The following PTPRT variants were observed in gnomAD, a reference collection of about 807,000 sequenced individuals.
The protein encoded by PTPRT is receptor-type tyrosine-protein phosphatase T.
A neutral mutation model predicts 176.8 loss-of-function variants in PTPRT; 56 were observed. The ratio of observed to expected loss-of-function variants is 0.32; its 90% confidence interval spans 0.26 to 0.40. PTPRT has a LOEUF of 0.40. Among genes scored for constraint, PTPRT ranks in the 10% least tolerant of loss-of-function variants. PTPRT has a pLI of 1.00. For missense variants in PTPRT, 1,540 were observed against 1,908.2 expected (o/e 0.81, Z 3.60); for synonymous variants, 783 against 739.0 (o/e 1.06, Z -0.96).
At chr20:43,078,853 T>C (rs2011356293) in intron 1 of PTPRT, among the ~76,000 whole-genome samples, 1 of 152,166 alleles carries the variant, frequency 6.6e-6, no homozygotes, top group Non-Finnish European at 1.5e-5. Flanking sequence ...AATCAGGAAA[T>C]AAACTCTGCT....
Position 42,452,214 on chromosome 20 carries a change from A to G in PTPRT, c.1451-3885T>C, listed in dbSNP as rs1027860473. Among the ~76,000 whole-genome samples the G allele has an allele frequency of 2.1e-3, 313 of 151,804 alleles. 1 individual carries two copies. Among genetic ancestry groups the G allele is most frequent in the Non-Finnish European group, 3.9e-3 (263 of 67,930 alleles). On this transcript the variant is annotated intron_variant, in intron 8 of 30. Coordinates refer to ENST00000373187, the MANE Select transcript of PTPRT (RefSeq NM_007050.6). ...AACCCAGGAGGTGGAGGTTGCAGTG[A>G]GCCGAGACCATGCCACTGCACCCCA...
At chr20:42,306,790 A>G (rs1268432935) in intron 12 of PTPRT, among the ~76,000 whole-genome samples, 1 of 152,094 alleles carries the variant, frequency 6.6e-6, no homozygotes, top group African/African-American at 2.4e-5. Flanking sequence ...TTTCTTTACC[A>G]TTCCTCCATG....
intron 9 of PTPRT, among the ~76,000 whole-genome samples, chr20:42,388,996 A>C (rs1340522117): frequency 6.6e-6 from 1 of 152,124 alleles, no homozygotes; most frequent in African/African-American, 2.4e-5. Context: ...TGAAGCTGGA[A>C]ACCATCATTC....
intron 2 of PTPRT, among the ~76,000 whole-genome samples, chr20:42,843,386 C>T (rs1056016809): frequency 6.6e-6 from 1 of 152,076 alleles, no homozygotes; most frequent in African/African-American, 2.4e-5. Flanking sequence ...CTGCTCCCAC[C>T]ACGGCCTCTG....
chr20:42,815,416 T>G (rs2145633940), intron 2 of PTPRT, among the ~76,000 whole-genome samples: 1 of 152,228 alleles, frequency 6.6e-6, no homozygotes, highest in Non-Finnish European at 1.5e-5. Context: ...GAGGCAAAGC[T>G]CAAACCATGG....
At position 42,843,214 on chromosome 20, in the gene PTPRT, G is replaced by T. The variant is rs567680426; in HGVS notation, c.214+42593C>A. ...AAAGAGATTTGGAAAATAAACTATA[G>T]CTATTAATAGCTTCCGATAGACAAT... On this transcript the variant is annotated intron_variant, in intron 2 of 30. Coordinates refer to ENST00000373187, the MANE Select transcript of PTPRT (RefSeq NM_007050.6). Among the ~76,000 whole-genome samples, 41 of 152,288 alleles carry T rather than the reference G, an allele frequency of 2.7e-4. 1 individual carries two copies. Among genetic ancestry groups the T allele is most frequent in the Middle Eastern group, 6.8e-3 (2 of 294 alleles).
intron 7 of PTPRT, among the ~76,000 whole-genome samples, chr20:42,641,895 C>A (rs1409992105): frequency 6.6e-6 from 1 of 152,168 alleles, no homozygotes; most frequent in Non-Finnish European, 1.5e-5. Flanking sequence ...GACTATGCAG[C>A]CTCATACTGA....
chr20:42,886,161 T>C (rs1298811585), intron 1 of PTPRT, among the ~76,000 whole-genome samples: 1 of 152,126 alleles, frequency 6.6e-6, no homozygotes, highest in African/African-American at 2.4e-5. Context: ...AAAAAGTTAA[T>C]AAGGCTAGTT....
intron 1 of PTPRT, among the ~76,000 whole-genome samples, chr20:42,890,708 A>G (rs2079177650): frequency 6.6e-6 from 1 of 152,174 alleles, no homozygotes; most frequent in South Asian, 2.1e-4. Context: ...GGCCATAACC[A>G]AAACAGGCCC....
chr20:43,088,249 A>C (rs1185961593), intron 1 of PTPRT, among the ~76,000 whole-genome samples: 1 of 152,146 alleles, frequency 6.6e-6, no homozygotes, highest in African/African-American at 2.4e-5. Flanking sequence ...ATCTTAGTTC[A>C]AGAGTAAAAC....
intron 11 of PTPRT, among the ~76,000 whole-genome samples, chr20:42,335,734 C>T (rs373343761): frequency 1.2e-4 from 18 of 151,978 alleles, no homozygotes; most frequent in East Asian, 7.7e-4. Context: ...TAAAGGCAAA[C>T]CTAAAATGAT....
At chr20:43,118,533 A>T (rs866660239) in intron 1 of PTPRT, among the ~76,000 whole-genome samples, 13 of 152,174 alleles carry the variant, frequency 8.5e-5, no homozygotes, top group Middle Eastern at 3.4e-3. Flanking sequence ...TCCGCCTCCC[A>T]GGTTCAAGTG....
intron 11 of PTPRT, among the ~76,000 whole-genome samples, chr20:42,330,346 C>T (rs772777081): frequency 3.2e-4 from 49 of 152,042 alleles, no homozygotes; most frequent in Non-Finnish European, 5.3e-4. Context: ...GGTAGGGGCA[C>T]ATGTCTGCAG....
At chr20:42,732,544 A>C (rs900945743) in intron 6 of PTPRT, among the ~76,000 whole-genome samples, 1 of 152,232 alleles carries the variant, frequency 6.6e-6, no homozygotes, top group Non-Finnish European at 1.5e-5. Context: ...ATCTAACATG[A>C]GCTTTGAAGG....
intron 8 of PTPRT, among the ~76,000 whole-genome samples, chr20:42,459,706 T>C (rs914723125): frequency 1.3e-5 from 2 of 152,180 alleles, no homozygotes; most frequent in African/African-American, 2.4e-5. Context: ...TTTTTCTTTT[T>C]TTGAGACAGG....
intron 17 of PTPRT, among the ~76,000 whole-genome samples, chr20:42,145,116 TACTCA>T (rs954427571): frequency 6.6e-6 from 1 of 152,080 alleles, no homozygotes; most frequent in African/African-American, 2.4e-5. Context: ...CAACAACTCA[TACTCA>T]ACTCTACTGT....
At position 43,011,744 on chromosome 20, in the gene PTPRT, C is replaced by T. The variant is rs529534663; in HGVS notation, c.89-125812G>A. Among the ~76,000 whole-genome samples the T allele has an allele frequency of 5.3e-5, 8 of 152,302 alleles. No individual in the cohort carries two copies. In the South Asian group the frequency reaches 1.7e-3, roughly 32 times the overall value. On this transcript the variant is annotated intron_variant, in intron 1 of 30. Transcript: ENST00000373187. ...GTTAATACCGAGTGTCAACTTGTGT[C>T]TGTGAGGGTGTTGCCAAAGGAGATC... is the stretch of plus-strand genomic sequence containing the variant.
At chr20:42,871,479 TTAGA>T (rs1279552102) in intron 2 of PTPRT, among the ~76,000 whole-genome samples, 4 of 152,170 alleles carry the variant, frequency 2.6e-5, no homozygotes, top group African/African-American at 7.2e-5. Context: ...TAGTTTTAAG[TTAGA>T]TATAGTCTCA....
intron 1 of PTPRT, chr20:42,969,693 G>T (rs899454212): frequency 6.6e-6 from 1 of 152,108 alleles, no homozygotes; most frequent in African/African-American, 2.4e-5. Context: ...TTGGTGCTAA[G>T]ATTTGAGTTA....
Sources: allele counts gnomAD v4.1 joint callset (sites outside exome capture counted in the v4.1 genomes callset), GRCh38; gene constraint gnomAD v4.1.1; transcripts MANE v1.5; gene names NCBI Gene and HGNC (gene_info 2026-07-23, HGNC 2026-07-21).